The following DNAH7 variants were observed in gnomAD, a reference collection of about 807,000 sequenced individuals.
The protein encoded by DNAH7 is dynein axonemal heavy chain 7, also known as axonemal beta dynein heavy chain 7.
A neutral mutation model predicts 444.6 loss-of-function variants in DNAH7; 397 were observed. The observed-to-expected ratio is 0.89, with a 90% CI of 0.82 to 0.97. The LOEUF (loss-of-function observed/expected upper bound fraction) is 0.97, where lower values mean the gene tolerates loss of function less well. Ranked by LOEUF, DNAH7 falls within the 50% of genes least tolerant of loss-of-function variation. The pLI is 0.00. For synonymous variants in DNAH7, 1,636 were observed against 1,624.4 expected (o/e 1.01, Z -0.17); for missense variants, 4,902 against 4,800.8 (o/e 1.02, Z -0.62).
intron 63 of DNAH7, among the ~76,000 whole-genome samples, chr2:195,743,579 A>C (rs1474098260): frequency 1.3e-5 from 2 of 152,220 alleles, no homozygotes; most frequent in African/African-American, 2.4e-5. Flanking sequence ...AGAGATTGGA[A>C]AAAAAGAAAC....
intron 25 of DNAH7, 32 bp downstream of exon 25, chr2:195,909,995 C>T (rs1687260901): frequency 1.3e-6 from 2 of 1,580,226 alleles, no homozygotes; most frequent in South Asian, 1.2e-5. Flanking sequence ...ATCAGTTATC[C>T]TGTTGTAAAG....
At chr2:195,854,217 T>A (rs2125049379) in intron 45 of DNAH7, among the ~76,000 whole-genome samples, 1 of 152,332 alleles carries the variant, frequency 6.6e-6, no homozygotes, top group Non-Finnish European at 1.5e-5. Context: ...ATGTGAATTA[T>A]TTTGATTAAA....
intron 17 of DNAH7, among the ~76,000 whole-genome samples, chr2:195,962,755 C>T (rs1691197065): frequency 6.6e-6 from 1 of 152,276 alleles, no homozygotes; most frequent in African/African-American, 2.4e-5. Context: ...CTACTTATCC[C>T]CTACTCCATC....
rs1185050242 is a variant in DNAH7 at position 195,824,375 on chromosome 2, C to T, written c.9171G>A (p.Lys3057=). The T allele has an allele frequency of 2.5e-6, 4 of 1,613,396 alleles. No individual in the cohort carries two copies. The Admixed American group carries it at 6.7e-5, about 27-fold the overall frequency. ...LEPLLLKQTF[K]QGGSTCIRLG... ...GCCGGATACATGTACTCCCACCCTG[C>T]TTAAAGGTTTGTTTTAGTAGAAGAG... Residue 3057 remains lysine (K), a synonymous_variant, in exon 49 of 65, where the codon AAG becomes AAA. Coordinates refer to ENST00000312428, the MANE Select transcript of DNAH7 (RefSeq NM_018897.3).
chr2:195,865,056 T>G, intron 40 of DNAH7, 35 bp from the exon 41 acceptor site: 1 of 1,521,186 alleles, frequency 6.6e-7, no homozygotes, highest in Non-Finnish European at 8.7e-7. Context: ...TTAGAAACTT[T>G]CTTCTGATTT....
chr2:195,811,571 G>A (rs376159686), intron 51 of DNAH7, among the ~76,000 whole-genome samples: 5 of 151,906 alleles, frequency 3.3e-5, no homozygotes, highest in Admixed American at 1.3e-4. Flanking sequence ...GGCTGGTATC[G>A]AACCCTTGGG....
At chr2:195,987,875 G>T (rs1042259157) in intron 13 of DNAH7, 82 bp downstream of exon 13, 13 of 1,293,614 alleles carry the variant, frequency 1.0e-5, no homozygotes, top group Non-Finnish European at 1.4e-5. Flanking sequence ...CTAATTATCT[G>T]TGTTCTAAAA....
chr2:195,767,578 T>C (rs903531985), intron 61 of DNAH7, among the ~76,000 whole-genome samples: 13 of 151,988 alleles, frequency 8.6e-5, no homozygotes, highest in African/African-American at 2.9e-4. Context: ...CTTTTTCTTG[T>C]CTCTTAAGCC....
At chr2:195,986,890 A>C (rs1359355972) in intron 14 of DNAH7, among the ~76,000 whole-genome samples, 176 bp downstream of exon 14, 2 of 152,172 alleles carry the variant, frequency 1.3e-5, no homozygotes, top group Non-Finnish European at 2.9e-5. Flanking sequence ...AAAATAATAA[A>C]TACTAATAAT....
intron 10 of DNAH7, among the ~76,000 whole-genome samples, chr2:196,003,396 T>C (rs1320642325): frequency 6.6e-6 from 1 of 152,178 alleles, no homozygotes; most frequent in Non-Finnish European, 1.5e-5. Flanking sequence ...ATACGATGTA[T>C]TTTAAAAAGT....
At chr2:196,006,397 T>C (rs911958576) in intron 10 of DNAH7, among the ~76,000 whole-genome samples, 1 of 152,092 alleles carries the variant, frequency 6.6e-6, no homozygotes, top group African/African-American at 2.4e-5. Context: ...ATCAATGTAA[T>C]ACGCCATATT....
At chr2:195,835,322 A>G (rs889752717) in intron 47 of DNAH7, among the ~76,000 whole-genome samples, 5 of 151,416 alleles carry the variant, frequency 3.3e-5, no homozygotes, top group African/African-American at 1.2e-4. Context: ...AAAAGTGAGC[A>G]GAGCCAATTC....
intron 38 of DNAH7, 41 bp downstream of exon 38, chr2:195,875,634 A>C: frequency 6.6e-7 from 1 of 1,521,934 alleles, no homozygotes. Context: ...ATTGCTAGGG[A>C]GATTTTTCCA....
Position 196,019,070 on chromosome 2 carries a change from G to T in DNAH7, c.869+100C>A, listed in dbSNP as rs1695206191. On this transcript the variant is annotated intron_variant, in intron 9 of 64. Coordinates refer to ENST00000312428, the MANE Select transcript of DNAH7 (RefSeq NM_018897.3). ...TGAATACTTACATTAAAATGGTAAT[G>T]TTTTACTTTGCAGTTAAAATAGTAA... 5 of 1,195,172 alleles carry T rather than the reference G, an allele frequency of 4.2e-6. No homozygotes were observed. In the East Asian group the frequency reaches 1.5e-4, roughly 36 times the overall value. The allele number at this position is 1,195,172 out of a possible 1,614,324, so 74.0% of individuals were successfully genotyped here. A position where few individuals can be genotyped will look rare whatever the true frequency, so the allele number is the denominator to read the frequency against.
intron 61 of DNAH7, among the ~76,000 whole-genome samples, chr2:195,757,425 T>G (rs1002966368): frequency 5.9e-5 from 9 of 152,226 alleles, no homozygotes; most frequent in Non-Finnish European, 1.3e-4. Context: ...TCCTGCTTAT[T>G]TGACTTTTAA....
intron 51 of DNAH7, 67 bp downstream of exon 51, chr2:195,816,558 AGAG>A (rs1476400296): frequency 8.7e-6 from 10 of 1,153,796 alleles, no homozygotes; most frequent in Non-Finnish European, 1.2e-5. Context: ...AGACAACAAT[AGAG>A]GTCACAAATT....
rs1487014283 is a variant in DNAH7, at chr2:195,906,769, C to G, written c.4225G>C (p.Asp1409His). 6.2e-7 allele frequency: 1 copy of G among 1,613,320 alleles called. No individual in the cohort carries two copies. The highest frequency in any genetic ancestry group is 8.5e-7 in the Non-Finnish European group (1 of 1,179,546). The change falls in exon 27 of 65, where the codon GAT (aspartate) becomes CAT (histidine). Residue 1409 changes from aspartate (D) to histidine (H), a missense_variant. Transcript: ENST00000312428. ...TCAGTTCCTTCAAACATCAGTATATCAGCACCTGCATTAATACCTGTAGGT... is the reference window on the plus strand; with the variant it reads ...TCAGTTCCTTCAAACATCAGTATATGAGCACCTGCATTAATACCTGTAGGT... The part of the protein sequence containing the change: ...TIQRGINAGA[D>H]ILMFEGTELK...
intron 49 of DNAH7, among the ~76,000 whole-genome samples, chr2:195,818,230 T>C (rs1214841805): frequency 1.3e-5 from 2 of 152,232 alleles, no homozygotes; most frequent in Admixed American, 1.3e-4. Flanking sequence ...GACCAGCTGA[T>C]TTACATTTTA....
In DNAH7 at chr2:195,756,123, A is replaced by G. The variant is rs1251480313; in HGVS notation, c.11586+10T>C. 1.3e-6 allele frequency: 2 copies of G among 1,591,616 alleles called. No individual in the cohort carries two copies. The highest frequency in any genetic ancestry group is 8.6e-7 in the Non-Finnish European group (1 of 1,167,214). ...AACTTAACAATATACGATCATTTAG[A>G]CGAACTTACCTGCAAGAATTTTAGT... On this transcript the variant is annotated intron_variant, in intron 62 of 64. Transcript: ENST00000312428.
Sources: allele counts gnomAD v4.1 joint callset (sites outside exome capture counted in the v4.1 genomes callset), GRCh38; gene constraint gnomAD v4.1.1; transcripts MANE v1.5; gene names NCBI Gene and HGNC (gene_info 2026-07-23, HGNC 2026-07-21).